The following DAPK1 variants were observed in gnomAD, a reference collection of about 807,000 sequenced individuals.
DAPK1 encodes the protein death-associated protein kinase 1.
Under a neutral mutation model 144.9 loss-of-function variants are expected in DAPK1, and 56 were observed. The ratio of observed to expected loss-of-function variants is 0.39; its 90% CI spans 0.31 to 0.48. The LOEUF (loss-of-function observed/expected upper bound fraction) is 0.48. Ranked by LOEUF, DAPK1 falls within the 20% of genes least tolerant of loss-of-function variation. The pLI is 0.95. For synonymous variants in DAPK1, 690 were observed against 749.0 expected (o/e 0.92, Z 1.29); for missense variants, 1,454 against 1,875.4 (o/e 0.78, Z 4.15).
At chr9:87,688,372 T>G (rs1188588949) in intron 21 of DAPK1, among the ~76,000 whole-genome samples, 1 of 152,262 alleles carries the variant, frequency 6.6e-6, no homozygotes, top group East Asian at 1.9e-4. Flanking sequence ...TCCGTGTCGT[T>G]GCTGTTGTGA....
At chr9:87,646,328 C>T in intron 12 of DAPK1, 133 bp from the exon 13 acceptor site, 2 of 699,356 alleles carry the variant, frequency 2.9e-6, no homozygotes, top group South Asian at 1.9e-5. Context: ...CACCTGTCTT[C>T]TCTTCCTGCC....
At chr9:87,515,821 A>C (rs959351203) in intron 2 of DAPK1, among the ~76,000 whole-genome samples, 1 of 152,130 alleles carries the variant, frequency 6.6e-6, no homozygotes, top group African/African-American at 2.4e-5. Context: ...CTGCGGGGCA[A>C]GTAGCTGCCG....
intron 3 of DAPK1, among the ~76,000 whole-genome samples, chr9:87,633,811 A>C (rs1422540664): frequency 2.0e-5 from 3 of 152,202 alleles, no homozygotes; most frequent in Non-Finnish European, 2.9e-5. Flanking sequence ...CTATGTAAAA[A>C]ACTATCCCAG....
intron 3 of DAPK1, among the ~76,000 whole-genome samples, chr9:87,635,888 C>T (rs774001166): frequency 1.3e-5 from 2 of 152,128 alleles, no homozygotes; most frequent in African/African-American, 2.4e-5. Flanking sequence ...CCCAGTGGTG[C>T]GGGGCGCCCC....
intron 3 of DAPK1, among the ~76,000 whole-genome samples, chr9:87,623,553 G>A (rs1016002732): frequency 2.0e-5 from 3 of 152,120 alleles, no homozygotes; most frequent in Non-Finnish European, 2.9e-5. Flanking sequence ...CCATCATCAA[G>A]CAGGACACAA....
At chr9:87,582,439 T>C (rs1827782626) in intron 2 of DAPK1, among the ~76,000 whole-genome samples, 1 of 152,138 alleles carries the variant, frequency 6.6e-6, no homozygotes, top group African/African-American at 2.4e-5. Flanking sequence ...TAAAACGTGG[T>C]CAGGAGCAGT....
At position 87,498,950 on chromosome 9, in the gene DAPK1, C is replaced by T; in HGVS notation, c.-108-20C>T. 6.3e-6 allele frequency: 4 copies of T among 631,940 alleles called. No homozygotes were observed. The East Asian group carries it at 8.7e-5, about 14-fold the overall frequency. The allele number at this position is 631,940 out of a possible 1,614,324, so 39.1% of individuals were successfully genotyped here. A position where few individuals can be genotyped will look rare whatever the true frequency, so the allele number is the denominator to read the frequency against. On this transcript the variant is annotated intron_variant, in intron 1 of 25. Transcript: ENST00000408954. ...GTTGCCATTTTACTATTATTATTGC[C>T]TTTTTTTTTTCTTCAAAAGGACTGG...
intron 2 of DAPK1, among the ~76,000 whole-genome samples, chr9:87,571,796 C>G (rs4878103): frequency 0.12 from 18,242 of 152,196 alleles, 1,414 homozygotes; most frequent in Admixed American, 0.16. Flanking sequence ...TGATTATTCT[C>G]TCACACAAAG....
intron 2 of DAPK1, among the ~76,000 whole-genome samples, chr9:87,584,558 G>C (rs542114158): frequency 2.0e-5 from 3 of 152,210 alleles, no homozygotes; most frequent in Non-Finnish European, 2.9e-5. Flanking sequence ...GTGCTAATTT[G>C]CACTCTCTCC....
chr9:87,598,755 CAA>C (rs1828409276), intron 2 of DAPK1, among the ~76,000 whole-genome samples: 1 of 152,198 alleles, frequency 6.6e-6, no homozygotes, highest in African/African-American at 2.4e-5. Context: ...CTGGATTAAA[CAA>C]AAGTTAAACA....
intron 21 of DAPK1, among the ~76,000 whole-genome samples, chr9:87,695,692 C>A (rs1435575771): frequency 1.3e-5 from 2 of 152,210 alleles, no homozygotes; most frequent in Non-Finnish European, 2.9e-5. Context: ...GCATCTCACA[C>A]CCCTGCATGC....
intron 23 of DAPK1, 104 bp from the exon 24 acceptor site, chr9:87,700,013 C>A (rs1825405114): frequency 6.6e-6 from 6 of 915,458 alleles, no homozygotes; most frequent in Non-Finnish European, 1.0e-5. Context: ...CCAGAACTTT[C>A]CTTCCCTCCT....
In DAPK1 at chr9:87,686,784, A is replaced by G; in HGVS notation, c.2413+45A>G. The G allele has an allele frequency of 1.3e-6, 2 of 1,488,406 alleles. No individual in the cohort carries two copies. The highest frequency in any genetic ancestry group is 1.9e-6 in the Non-Finnish European group (2 of 1,077,676). 92.2% of individuals were successfully genotyped at this position (1,488,406 alleles called of 1,614,324 possible). A position where few individuals can be genotyped will look rare whatever the true frequency, so the allele number is the denominator to read the frequency against. On this transcript the variant is annotated intron_variant, in intron 21 of 25. Transcript: ENST00000408954. This position sits in a 1 kb window ranked among gnomAD's most constrained non-coding sequence, Gnocchi z 4.2. Reference sequence around the variant, plus strand: ...AGGGAAGGACCTCAGGTTTCCCTTCAACAGGGTTGTAAGTCATCCCTAAAG... The same window carrying G: ...AGGGAAGGACCTCAGGTTTCCCTTCGACAGGGTTGTAAGTCATCCCTAAAG...
intron 21 of DAPK1, among the ~76,000 whole-genome samples, chr9:87,689,054 T>C (rs966303325): frequency 6.6e-6 from 1 of 152,200 alleles, no homozygotes; most frequent in Admixed American, 6.5e-5. Flanking sequence ...CTTCTAGGAT[T>C]CTTATAGTTT....
At chr9:87,600,116 C>T (rs894950906) in intron 2 of DAPK1, among the ~76,000 whole-genome samples, 3 of 152,116 alleles carry the variant, frequency 2.0e-5, no homozygotes, top group South Asian at 2.1e-4. Context: ...AAATGGGCTG[C>T]GGAGAGCACA....
chr9:87,542,503 C>T (rs1826091711), intron 2 of DAPK1, among the ~76,000 whole-genome samples: 1 of 152,186 alleles, frequency 6.6e-6, no homozygotes, highest in South Asian at 2.1e-4. Flanking sequence ...CTTACCTTAC[C>T]AGAGCTGTCC....
chr9:87,701,724 T>G (rs1233221987), intron 24 of DAPK1: 3 of 224,524 alleles, frequency 1.3e-5, no homozygotes, highest in African/African-American at 7.5e-5. Context: ...GGGTGTATTT[T>G]TTTTTTTTTT....
chr9:87,548,984 A>G (rs1190571386), intron 2 of DAPK1, among the ~76,000 whole-genome samples: 1 of 124,106 alleles, frequency 8.1e-6, no homozygotes, highest in Non-Finnish European at 1.6e-5. Flanking sequence ...CAGGATGTAC[A>G]GGTTTGTTAC....
At chr9:87,599,472 C>T (rs1180407845) in intron 2 of DAPK1, among the ~76,000 whole-genome samples, 2 of 152,110 alleles carry the variant, frequency 1.3e-5, no homozygotes, top group Non-Finnish European at 2.9e-5. Flanking sequence ...TGCTCCTTTT[C>T]GCCGTGCGTT....
Sources: gnomAD v4.1 joint callset for allele counts (sites outside exome capture counted in the v4.1 genomes callset) on GRCh38, gnomAD v4.1.1 for gene constraint, Gnocchi (gnomAD v3.1) non-coding constraint, MANE v1.5 for transcripts, NCBI Gene and HGNC (gene_info 2026-07-23, HGNC 2026-07-21) for gene names.